The following PTPRD variants were observed in gnomAD, a reference collection of about 807,000 sequenced individuals.
The protein encoded by PTPRD is receptor-type tyrosine-protein phosphatase delta.
PTPRD carries 34 observed loss-of-function variants against 214.5 expected under a neutral mutation model. That is an observed-to-expected ratio of 0.16 (90% CI 0.12 to 0.21). The LOEUF (loss-of-function observed/expected upper bound fraction) is 0.21, where lower values mean the gene tolerates loss of function less well. Among genes scored for constraint, PTPRD ranks in the 10% least tolerant of loss-of-function variants. PTPRD has a pLI of 1.00. For synonymous variants in PTPRD, 1,128 were observed against 845.7 expected, an observed-to-expected ratio of 1.33 and a Z score of -5.79; for missense variants, 2,545 against 2,398.7, an observed-to-expected ratio of 1.06 and a Z score of -1.27.
intron 11 of PTPRD, among the ~76,000 whole-genome samples, chr9:8,946,332 C>A (rs1001862538): frequency 6.6e-6 from 1 of 152,070 alleles, no homozygotes; most frequent in Non-Finnish European, 1.5e-5. Flanking sequence ...CACCCCCCCA[C>A]CACCCCAAGG....
At chr9:8,854,012 CT>C (rs1322388543) in intron 11 of PTPRD, among the ~76,000 whole-genome samples, 1 of 152,140 alleles carries the variant, frequency 6.6e-6, no homozygotes, top group East Asian at 1.9e-4. Context: ...TTTTTGAATA[CT>C]CTGGGAAAAC....
At chr9:10,224,595 T>G (rs2099582630) in intron 3 of PTPRD, among the ~76,000 whole-genome samples, 2 of 152,046 alleles carry the variant, frequency 1.3e-5, no homozygotes. Flanking sequence ...AAATCTGAAG[T>G]CATTTAACCA....
intron 9 of PTPRD, among the ~76,000 whole-genome samples, chr9:9,201,868 C>A (rs926195922): frequency 6.6e-6 from 1 of 152,158 alleles, no homozygotes; most frequent in Non-Finnish European, 1.5e-5. Flanking sequence ...AAGCCTACAA[C>A]TGGAAGCTGT....
chr9:10,605,559 A>G (rs1020242230), intron 2 of PTPRD, among the ~76,000 whole-genome samples: 1 of 151,796 alleles, frequency 6.6e-6, no homozygotes, highest in African/African-American at 2.4e-5. Context: ...GCAACTGCCT[A>G]ATAAGCAACA....
intron 30 of PTPRD, among the ~76,000 whole-genome samples, chr9:8,471,915 T>C (rs2096660812): frequency 6.6e-6 from 1 of 152,184 alleles, no homozygotes; most frequent in African/African-American, 2.4e-5. Context: ...CATACTGATC[T>C]TTAGTAGTAA....
At chr9:8,867,743 GTTATAT>G (rs1250194131) in intron 11 of PTPRD, among the ~76,000 whole-genome samples, 3 of 152,248 alleles carry the variant, frequency 2.0e-5, no homozygotes, top group Non-Finnish European at 2.9e-5. Flanking sequence ...TTTTATTAAA[GTTATAT>G]TTATACTTGT....
intron 8 of PTPRD, among the ~76,000 whole-genome samples, chr9:9,496,323 A>T (rs1288719448): frequency 6.6e-6 from 1 of 152,200 alleles, no homozygotes; most frequent in African/African-American, 2.4e-5. Flanking sequence ...ATTAAAGTCA[A>T]ATATTTGATA....
intron 3 of PTPRD, among the ~76,000 whole-genome samples, chr9:10,191,627 T>C (rs1188602626): frequency 6.6e-6 from 1 of 152,166 alleles, no homozygotes; most frequent in Admixed American, 6.5e-5. Context: ...TTTGTATTGC[T>C]CTCTTTCCCC....
At chr9:8,782,859 G>C (rs989449126) in intron 11 of PTPRD, among the ~76,000 whole-genome samples, 1 of 152,214 alleles carries the variant, frequency 6.6e-6, no homozygotes, top group Middle Eastern at 3.4e-3. Flanking sequence ...CCCCCGCAAA[G>C]GGCTGGGATT....
At chr9:9,242,616 C>A (rs943849448) in intron 9 of PTPRD, among the ~76,000 whole-genome samples, 1 of 152,178 alleles carries the variant, frequency 6.6e-6, no homozygotes, top group African/African-American at 2.4e-5. Context: ...GATACCCTTT[C>A]TTCCAGTTGA....
chr9:10,268,782 T>C (rs2094248278), intron 3 of PTPRD, among the ~76,000 whole-genome samples: 1 of 152,208 alleles, frequency 6.6e-6, no homozygotes, highest in East Asian at 1.9e-4. Flanking sequence ...TGTTTTATGC[T>C]ACCTTTTCAA....
chr9:9,735,414 AAC>A (rs1484698753), intron 6 of PTPRD, among the ~76,000 whole-genome samples: 3 of 152,114 alleles, frequency 2.0e-5, no homozygotes, highest in Admixed American at 6.5e-5. Context: ...ACATTTGAAA[AAC>A]ACATGTCTTT....
At chr9:8,393,642 C>A (rs1421180435) in intron 36 of PTPRD, among the ~76,000 whole-genome samples, 4 of 152,078 alleles carry the variant, frequency 2.6e-5, no homozygotes, top group Non-Finnish European at 5.9e-5. Context: ...GGCTCTACTG[C>A]ATTTATAAAA....
intron 34 of PTPRD, among the ~76,000 whole-genome samples, chr9:8,448,134 G>A (rs1465117483): frequency 6.6e-5 from 10 of 151,920 alleles, no homozygotes; most frequent in African/African-American, 2.4e-4. Flanking sequence ...AGCCCAGCTT[G>A]TGCAACACGG....
At chr9:10,520,540 G>C (rs10756053) in intron 2 of PTPRD, among the ~76,000 whole-genome samples, 1 of 152,122 alleles carries the variant, frequency 6.6e-6, no homozygotes, top group Admixed American at 6.5e-5. Context: ...TAATGGAATT[G>C]GCTACACTCA....
At chr9:10,382,731 A>C (rs2097847730) in intron 2 of PTPRD, among the ~76,000 whole-genome samples, 1 of 151,952 alleles carries the variant, frequency 6.6e-6, no homozygotes, top group Non-Finnish European at 1.5e-5. Context: ...GGAAACCCTA[A>C]GATATCTATT....
chr9:8,931,486 C>T (rs537537081), intron 11 of PTPRD, among the ~76,000 whole-genome samples: 9 of 152,148 alleles, frequency 5.9e-5, no homozygotes, highest in African/African-American at 2.2e-4. Context: ...TAGTTTTTTC[C>T]AATTCTGTGA....
chr9:9,576,513 C>CA (rs953653702), intron 7 of PTPRD, among the ~76,000 whole-genome samples: 1 of 151,980 alleles, frequency 6.6e-6, no homozygotes, highest in East Asian at 1.9e-4. Flanking sequence ...AGAATCCTCT[C>CA]AAAAAAATCT....
intron 9 of PTPRD, among the ~76,000 whole-genome samples, chr9:9,195,651 T>G (rs2099938116): frequency 6.6e-6 from 1 of 151,662 alleles, no homozygotes; most frequent in Admixed American, 6.6e-5. Flanking sequence ...TCCCACAGAG[T>G]CTGTGGTATT....
Sources: gnomAD v4.1 joint callset for allele counts (sites outside exome capture counted in the v4.1 genomes callset) on GRCh38, gnomAD v4.1.1 for gene constraint, MANE v1.5 for transcripts, NCBI Gene and HGNC (gene_info 2026-07-23, HGNC 2026-07-21) for gene names.